ASH1L: variants seen among roughly 807,000 people sequenced by gnomAD.
The protein encoded by ASH1L is histone-lysine N-methyltransferase ASH1L.
Under a neutral mutation model 269.0 loss-of-function variants are expected in ASH1L, and 23 were observed. The observed-to-expected ratio is 0.09, with a 90% CI of 0.06 to 0.12. The LOEUF is 0.12. Among genes scored for constraint, ASH1L ranks in the 10% least tolerant of loss-of-function variants. ASH1L has a pLI of 1.00. For synonymous variants in ASH1L, 1,187 were observed against 1,253.5 expected, an observed-to-expected ratio of 0.95 and a Z score of 1.12; for missense variants, 2,912 against 3,567.8, an observed-to-expected ratio of 0.82 and a Z score of 4.68.
At chr1:155,464,297 T>C (rs760659031) in intron 3 of ASH1L, among the ~76,000 whole-genome samples, 33 of 152,160 alleles carry the variant, frequency 2.2e-4, no homozygotes, top group Non-Finnish European at 3.1e-4. Flanking sequence ...AGAACACAAT[T>C]GTAGATATCA....
chr1:155,415,958 A>G (rs1660171877), intron 5 of ASH1L, 35 bp from the exon 6 acceptor site: 2 of 1,430,964 alleles, frequency 1.4e-6, no homozygotes, highest in East Asian at 2.5e-5. Flanking sequence ...TTTTATTATG[A>G]AAAAAAAGTT....
At chr1:155,493,683 C>T (rs1666961505) in intron 2 of ASH1L, among the ~76,000 whole-genome samples, 1 of 152,036 alleles carries the variant, frequency 6.6e-6, no homozygotes, top group South Asian at 2.1e-4. Context: ...GCCTAGCCAA[C>T]ATGGTGAAAC....
intron 2 of ASH1L, among the ~76,000 whole-genome samples, chr1:155,509,198 G>C (rs1300760444): frequency 6.6e-6 from 1 of 152,136 alleles, no homozygotes; most frequent in Non-Finnish European, 1.5e-5. Context: ...GTATCATGGT[G>C]GCCGGGTGCC....
In ASH1L at chr1:155,447,379, G is replaced by T. The variant is rs192248170; in HGVS notation, c.5087-8311C>A. Among the ~76,000 whole-genome samples the T allele has an allele frequency of 9.2e-5, 14 of 152,078 alleles. No homozygotes were observed. The East Asian group carries it at 2.7e-3, about 29-fold the overall frequency. The stretch of plus-strand genomic sequence containing the variant: ...TAATTTATTAATTGATTTGAGACTG[G>T]GTTATGAGACTGGCTAATTTTTATA... On this transcript the variant is annotated intron_variant, in intron 4 of 27. Transcript: ENST00000392403.
chr1:155,549,593 C>T (rs1010398453), intron 1 of ASH1L, among the ~76,000 whole-genome samples: 2 of 149,592 alleles, frequency 1.3e-5, no homozygotes, highest in Admixed American at 1.3e-4. Flanking sequence ...CCATTGCACT[C>T]CAGCTTGGGT....
chr1:155,337,741 C>T lies in ASH1L; in HGVS notation c.8814G>A (p.Val2938=). The change falls in exon 28 of 28, where the codon GTG becomes GTA. Residue 2938 remains valine, a synonymous_variant. Transcript: ENST00000392403. The part of the protein sequence containing the change: ...EKIPGKNAID[V]TYLLEEGSGR... ...CTGATCCTTCCTCCAGCAAGTAGGT[C>T]ACATCAATGGCTGAAAACAGAACCA... The T allele has an allele frequency of 6.2e-7, 1 of 1,613,922 alleles. No homozygotes were observed. Among genetic ancestry groups the T allele is most frequent in the Non-Finnish European group, 8.5e-7 (1 of 1,179,848 alleles).
At chr1:155,447,440 G>A (rs1321396936) in intron 4 of ASH1L, among the ~76,000 whole-genome samples, 1 of 152,082 alleles carries the variant, frequency 6.6e-6, no homozygotes, top group Non-Finnish European at 1.5e-5. Flanking sequence ...TGTTGCTCAA[G>A]GCTGGTCTCG....
intron 1 of ASH1L, among the ~76,000 whole-genome samples, chr1:155,524,814 T>C (rs113927408): frequency 0.011 from 1,640 of 152,024 alleles, 41 homozygotes; most frequent in African/African-American, 0.038. Flanking sequence ...CACTCTAGCT[T>C]GGGCAACAGA....
rs1327219274 is a variant in ASH1L, at chr1:155,380,130, CA to C, written c.6104-15del. On this transcript the variant is annotated splice_polypyrimidine_tract_variant and intron_variant, in intron 7 of 27. Coordinates refer to ENST00000392403, the MANE Select transcript of ASH1L (RefSeq NM_018489.3). ...TTAGATACTTTCCTGAAACAAAAAA[CA>C]CTATTAATTTCAATACCTTTTCTAA... 6.3e-7 allele frequency: 1 copy of C among 1,595,558 alleles called. No homozygotes were observed. Among genetic ancestry groups the C allele is most frequent in the Non-Finnish European group, 8.6e-7 (1 of 1,163,758 alleles).
At chr1:155,384,381 T>G (rs1040841867) in intron 7 of ASH1L, among the ~76,000 whole-genome samples, 2 of 152,246 alleles carry the variant, frequency 1.3e-5, no homozygotes, top group Non-Finnish European at 2.9e-5. Flanking sequence ...TCACTTCCAT[T>G]TGGCCTCCAT....
intron 5 of ASH1L, among the ~76,000 whole-genome samples, chr1:155,429,005 G>A (rs536028527): frequency 6.6e-6 from 1 of 151,742 alleles, no homozygotes; most frequent in African/African-American, 2.4e-5. Flanking sequence ...AGCTGGTCTC[G>A]GCATATATAT....
At position 155,433,374 on chromosome 1, in the gene ASH1L, C is replaced by A. The variant is rs530496991; in HGVS notation, c.5828+4953G>T. ...GTGTGGGGGATTCCCCCATGCCCCC[C>A]GCTGTATGAGTTCTGTGGGGGGATG... On this transcript the variant is annotated intron_variant, in intron 5 of 27. Transcript: ENST00000392403. The A allele has an allele frequency of 4.4e-6, 7 of 1,598,360 alleles. No homozygotes were observed. In the Admixed American group the frequency reaches 6.9e-5, roughly 16 times the overall value.
At chr1:155,425,589 C>A (rs1438593163) in intron 5 of ASH1L, among the ~76,000 whole-genome samples, 1 of 151,712 alleles carries the variant, frequency 6.6e-6, no homozygotes, top group Admixed American at 6.6e-5. Context: ...CAGGCATGTG[C>A]CACCATGCTT....
chr1:155,400,710 T>C (rs1164558181), intron 6 of ASH1L, among the ~76,000 whole-genome samples: 1 of 152,216 alleles, frequency 6.6e-6, no homozygotes, highest in Non-Finnish European at 1.5e-5. Flanking sequence ...GATGTTAACA[T>C]TTCTCTCAAA....
At position 155,478,287 on chromosome 1, in the gene ASH1L, T is replaced by C. The variant is rs762459057; in HGVS notation, c.4583A>G (p.Tyr1528Cys). Residue 1528 changes from tyrosine (Y) to cysteine (C), a missense_variant, in exon 3 of 28, where the codon TAT becomes TGT. By Grantham distance (194) the Tyr-to-Cys change is radical. Around this residue, in one of 13 missense-constraint regions of ASH1L, gnomAD observed 789 missense variants for 897.6 expected, o/e 0.88. Transcript: ENST00000392403. This position sits in a 1 kb window ranked among gnomAD's most constrained non-coding sequence, Gnocchi z 4.6. ...RFGKDAVGER[Y>C]KHKEKHRCHM... ...ACAACGGTGCTTTTCCTTATGCTTA[T>C]ATCGCTCTCCAACAGCATCCTTTCC... 1.9e-5 allele frequency: 30 copies of C among 1,614,030 alleles called. No individual in the cohort carries two copies. In the East Asian group the frequency reaches 5.6e-4, roughly 30 times the overall value.
chr1:155,516,332 T>G (rs1474401841), intron 2 of ASH1L, among the ~76,000 whole-genome samples: 2 of 152,198 alleles, frequency 1.3e-5, no homozygotes, highest in Non-Finnish European at 2.9e-5. Context: ...ACCTAGTGTT[T>G]CCCAAATCTG....
intron 5 of ASH1L, among the ~76,000 whole-genome samples, chr1:155,423,766 T>C (rs570612668): frequency 6.6e-6 from 1 of 152,244 alleles, no homozygotes; most frequent in African/African-American, 2.4e-5. Context: ...AGTCTCAGTC[T>C]CTCGCTCAGG....
At chr1:155,342,533 T>C (rs528255338) in intron 24 of ASH1L, among the ~76,000 whole-genome samples, 2 of 152,336 alleles carry the variant, frequency 1.3e-5, no homozygotes, top group East Asian at 1.9e-4. Flanking sequence ...AGTTTTGGAA[T>C]GGAATACGTA....
At chr1:155,429,432 C>T (rs551882647) in intron 5 of ASH1L, among the ~76,000 whole-genome samples, 18 of 152,130 alleles carry the variant, frequency 1.2e-4, no homozygotes, top group Non-Finnish European at 2.6e-4. Context: ...GCTACCACAA[C>T]TGGCTAACTT....
Sources: allele counts gnomAD v4.1 joint callset (sites outside exome capture counted in the v4.1 genomes callset), GRCh38; gene constraint gnomAD v4.1.1; regional missense constraint gnomAD v4.1.1; non-coding constraint Gnocchi (gnomAD v3.1); transcripts MANE v1.5; gene names NCBI Gene and HGNC (gene_info 2026-07-23, HGNC 2026-07-21).